The following TMEM259 variants were observed in gnomAD, a reference collection of about 807,000 sequenced individuals.
TMEM259 encodes the protein membralin.
TMEM259 carries 26 observed loss-of-function variants against 46.7 expected under a neutral mutation model. The ratio of observed to expected loss-of-function variants is 0.56; its 90% CI spans 0.41 to 0.77. The LOEUF (loss-of-function observed/expected upper bound fraction) is 0.77. Among genes scored for constraint, TMEM259 ranks in the 30% least tolerant of loss-of-function variants. TMEM259 has a pLI of 0.00. For synonymous variants in TMEM259, 494 were observed against 395.1 expected (o/e 1.25, Z -2.97); for missense variants, 930 against 900.5 (o/e 1.03, Z -0.42).
At chr19:1,013,595 G>A in intron 2 of TMEM259, 1 of 471,882 alleles carries the variant, frequency 2.1e-6, no homozygotes. Context: ...GCTACAGGCA[G>A]TAGACCCCAT....
At position 1,019,207 on chromosome 19, in the gene TMEM259, T is replaced by C. The variant is rs776950872; in HGVS notation, c.225+1565A>G. Among the ~76,000 whole-genome samples, 4 of 152,184 alleles carry C rather than the reference T, an allele frequency of 2.6e-5. No homozygotes were observed. In the East Asian group the frequency reaches 7.7e-4, roughly 29 times the overall value. On this transcript the variant is annotated intron_variant, in intron 1 of 10. Transcript: ENST00000356663. Reference sequence around the variant, plus strand: ...CTTGATCCCTTTCCAAACCGGGACATGGTGGGACCAGGGCCCAGGCGACAG... The same window carrying C: ...CTTGATCCCTTTCCAAACCGGGACACGGTGGGACCAGGGCCCAGGCGACAG...
rs750693343 is a variant in TMEM259, at chr19:1,011,923, T to C, written c.911A>G (p.Tyr304Cys). 1.9e-6 allele frequency: 3 copies of C among 1,610,362 alleles called. No individual in the cohort carries two copies. Among genetic ancestry groups the C allele is most frequent in the Non-Finnish European group, 1.7e-6 (2 of 1,178,784 alleles). ...GACCATGATGGCGAAGGCGGCCAGG[T>C]AGGACGTCCGCGCCATCCACATGCT... ...FVSMWMARTS[Y>C]LAAFAIMVIF... Residue 304 changes from tyrosine to cysteine, a missense_variant, in exon 6 of 11, where the codon TAC becomes TGC. Coordinates refer to ENST00000356663, the MANE Select transcript of TMEM259 (RefSeq NM_001033026.2).
Position 1,014,315 on chromosome 19 carries a change from G to A in TMEM259, c.384C>T (p.Phe128=), listed in dbSNP as rs889518162. The A allele has an allele frequency of 2.5e-6, 4 of 1,613,150 alleles. No individual in the cohort carries two copies. The highest frequency in any genetic ancestry group is 1.7e-5 in the Admixed American group (1 of 60,032). ...NSSRAPVFLQ[F]CDSGGRGSFP... ...AGCTCCCGCGGCCGCCGCTGTCACA[G>A]AACTGTAGGAAGACGGGCGCGCGGC... The change falls in exon 2 of 11, where the codon TTC becomes TTT. Residue 128 remains phenylalanine (F), a synonymous_variant. Transcript: ENST00000356663.
Position 1,010,480 on chromosome 19 carries a change from T to C in TMEM259, c.1733A>G (p.His578Arg). ...CGGGGGGACACTGTCCTGGGGGGCG[T>C]GGGGGAGGCCCCCAGCAGGGCCCAG... ...SPLGPAGGLP[H>R]APQDSVPPSD... Residue 578 changes from histidine to arginine, a missense_variant, in exon 11 of 11, where the codon CAC becomes CGC. Physicochemically the swap from His to Arg is conservative, Grantham distance 29. Coordinates refer to ENST00000356663, the MANE Select transcript of TMEM259 (RefSeq NM_001033026.2). 1 of 1,545,554 alleles carries C rather than the reference T, an allele frequency of 6.5e-7. No homozygotes were observed.
Position 1,010,264 on chromosome 19 carries a change from A to G in TMEM259, c.*86T>C. 8.2e-7 allele frequency: 1 copy of G among 1,218,110 alleles called. No homozygotes were observed. The highest frequency in any genetic ancestry group is 1.1e-6 in the Non-Finnish European group (1 of 921,174). The allele number at this position is 1,218,110 out of a possible 1,614,324, so 75.5% of individuals were successfully genotyped here. On this transcript the variant is annotated 3_prime_UTR_variant, in exon 11 of 11. Transcript: ENST00000356663. Reference sequence around the variant, plus strand: ...ACACAGGCTGGGCAGTCCCAGAGGAAGGAGGTGGCTGGCCTCCCCCACCCC... The same window carrying G: ...ACACAGGCTGGGCAGTCCCAGAGGAGGGAGGTGGCTGGCCTCCCCCACCCC...
At position 1,020,275 on chromosome 19, in the gene TMEM259, T is replaced by G. The variant is rs191791178; in HGVS notation, c.225+497A>C. On this transcript the variant is annotated intron_variant, in intron 1 of 10. Coordinates refer to ENST00000356663, the MANE Select transcript of TMEM259 (RefSeq NM_001033026.2). This position sits in a 1 kb window ranked among gnomAD's most constrained non-coding sequence, Gnocchi z 4.0. The stretch of plus-strand genomic sequence containing the variant: ...GGGAGTCGACTTCCAGGACAGGGGT[T>G]GGTCCGAGGGAGACCTGCGTCAGGC... Among the ~76,000 whole-genome samples the G allele has an allele frequency of 9.9e-5, 15 of 151,848 alleles. No individual in the cohort carries two copies. The highest frequency in any genetic ancestry group is 2.6e-4 in the Admixed American group (4 of 15,252).
chr19:1,011,020 C>T (rs1291614692), intron 10 of TMEM259, 76 bp downstream of exon 10: 7 of 1,547,168 alleles, frequency 4.5e-6, no homozygotes, highest in Non-Finnish European at 5.2e-6. Flanking sequence ...CCCCACAGGG[C>T]ATCCTCCCCG....
At chr19:1,019,896 C>T (rs2039232455) in intron 1 of TMEM259, among the ~76,000 whole-genome samples, 1 of 152,224 alleles carries the variant, frequency 6.6e-6, no homozygotes, top group South Asian at 2.1e-4. Context: ...GCAGCTGCTA[C>T]TGAGCCCCTC....
chr19:1,020,718 T>G lies in TMEM259; in HGVS notation c.225+54A>C. 8.1e-7 allele frequency: 1 copy of G among 1,229,358 alleles called. No individual in the cohort carries two copies. The highest frequency in any genetic ancestry group is 1.0e-6 in the Non-Finnish European group (1 of 966,630). 76.2% of individuals were successfully genotyped at this position (1,229,358 alleles called of 1,614,324 possible). ...GGGTCGCGGTCGGAGGTAGCAGACT[T>G]GGGGGTCGGGACAGCCGCTGGGGTC... On this transcript the variant is annotated intron_variant, in intron 1 of 10. Coordinates refer to ENST00000356663, the MANE Select transcript of TMEM259 (RefSeq NM_001033026.2). The surrounding 1 kb of genome is among the most constrained non-coding windows in gnomAD (Gnocchi z 4.0).
intron 3 of TMEM259, 69 bp from the exon 4 acceptor site, chr19:1,012,642 G>C: frequency 6.6e-7 from 1 of 1,521,796 alleles, no homozygotes; most frequent in South Asian, 1.2e-5. Context: ...CAGCAGGCAA[G>C]GCAGGCGTTG....
In TMEM259 at chr19:1,011,868, C is replaced by G. The variant is rs751977137; in HGVS notation, c.942+24G>C. On this transcript the variant is annotated intron_variant, in intron 6 of 10. Transcript: ENST00000356663. ...TGCTTGGCTCCCGCCCGGCCAGCCC[C>G]CGCACCCGCCCCGAGGCACTCACGA... 4 of 1,600,262 alleles carry G rather than the reference C, an allele frequency of 2.5e-6. No homozygotes were observed. In the East Asian group the frequency reaches 9.0e-5, roughly 36 times the overall value.
In TMEM259 at chr19:1,010,481, G is replaced by T; in HGVS notation, c.1732C>A (p.His578Asn). The T allele has an allele frequency of 6.5e-7, 1 of 1,545,640 alleles. No individual in the cohort carries two copies. The change falls in exon 11 of 11, where the codon CAC (histidine) becomes AAC (asparagine). Residue 578 changes from histidine to asparagine, a missense_variant. Coordinates refer to ENST00000356663, the MANE Select transcript of TMEM259 (RefSeq NM_001033026.2). ...SPLGPAGGLP[H>N]APQDSVPPSD... ...GGGGGGACACTGTCCTGGGGGGCGT[G>T]GGGGAGGCCCCCAGCAGGGCCCAGC...
chr19:1,013,348 C>A lies in TMEM259; in HGVS notation c.508-8G>T, dbSNP rs112496473. The A allele has an allele frequency of 0.034, 55,016 of 1,612,702 alleles. 1,152 individuals carry two copies. The highest frequency in any genetic ancestry group is 0.06 in the South Asian group (5,448 of 91,070). ...CTCGATGTCCAGCTCAAACTGTGGGCGACCAGGGACCTGGGTGTCAGCAGC... is the reference window on the plus strand; with the variant it reads ...CTCGATGTCCAGCTCAAACTGTGGGAGACCAGGGACCTGGGTGTCAGCAGC... On this transcript the variant is annotated splice_polypyrimidine_tract_variant and splice_region_variant and intron_variant, in intron 2 of 10. Coordinates refer to ENST00000356663, the MANE Select transcript of TMEM259 (RefSeq NM_001033026.2).
rs767948530 is a variant in TMEM259, at chr19:1,011,135, A to G, written c.1278T>C (p.Tyr426=). ...AGGAGGTGACCAGGGCCAGGCTGCT[A>G]TACTGCCCATTGAAGCGGTAGTGAT... ...YAYHYRFNGQ[Y]SSLALVTSWL... Residue 426 remains tyrosine, a synonymous_variant, in exon 10 of 11, where the codon TAT becomes TAC. Transcript: ENST00000356663. The G allele has an allele frequency of 1.9e-6, 3 of 1,604,710 alleles. No homozygotes were observed. The South Asian group carries it at 3.3e-5, about 18-fold the overall frequency.
In TMEM259 at chr19:1,012,576, G is replaced by A; in HGVS notation, c.608-3C>T. 6.4e-7 allele frequency: 1 copy of A among 1,574,132 alleles called. No homozygotes were observed. Among genetic ancestry groups the A allele is most frequent in the South Asian group, 1.2e-5 (1 of 86,018 alleles). On this transcript the variant is annotated splice_region_variant and splice_polypyrimidine_tract_variant and intron_variant, in intron 3 of 10. Coordinates refer to ENST00000356663, the MANE Select transcript of TMEM259 (RefSeq NM_001033026.2). Reference sequence around the variant, plus strand: ...GATGTACTCGTCCTGCGGCCACACTGCAGGGCAGAACCAGGGACCAGGTCA... The same window carrying A: ...GATGTACTCGTCCTGCGGCCACACTACAGGGCAGAACCAGGGACCAGGTCA...
chr19:1,011,899 A>G lies in TMEM259; in HGVS notation c.935T>C (p.Val312Ala). ...TSYLAAFAIMVIFTLSVSMLL... is the reference protein window; with the variant it reads ...TSYLAAFAIMAIFTLSVSMLL... ...CCGCCCCGAGGCACTCACGAAGATG[A>G]CCATGATGGCGAAGGCGGCCAGGTA... Residue 312 changes from valine (V) to alanine (A), a missense_variant, in exon 6 of 11, where the codon GTC becomes GCC. Physicochemically the swap from Val to Ala is moderately conservative, Grantham distance 64. Coordinates refer to ENST00000356663, the MANE Select transcript of TMEM259 (RefSeq NM_001033026.2). 1.9e-6 allele frequency: 3 copies of G among 1,608,024 alleles called. No homozygotes were observed. The highest frequency in any genetic ancestry group is 1.3e-5 in the African/African-American group (1 of 74,730).
chr19:1,010,218 AC>A lies in TMEM259; in HGVS notation c.*131del. 1 of 919,470 alleles carries A rather than the reference AC, an allele frequency of 1.1e-6. No homozygotes were observed. Among genetic ancestry groups the A allele is most frequent in the South Asian group, 2.1e-5 (1 of 46,976 alleles). 57.0% of individuals were successfully genotyped at this position (919,470 alleles called of 1,614,324 possible). A position where few individuals can be genotyped will look rare whatever the true frequency, so the allele number is the denominator to read the frequency against. On this transcript the variant is annotated 3_prime_UTR_variant, in exon 11 of 11. Transcript: ENST00000356663. ...GAAAGCCGCCTTCCGGGCAAACCCC[AC>A]GAAACCCTGAAAGCCCCCGACACAG...
At position 1,020,478 on chromosome 19, in the gene TMEM259, G is replaced by A. The variant is rs1239866305; in HGVS notation, c.225+294C>T. On this transcript the variant is annotated intron_variant, in intron 1 of 10. Coordinates refer to ENST00000356663, the MANE Select transcript of TMEM259 (RefSeq NM_001033026.2). This position sits in a 1 kb window ranked among gnomAD's most constrained non-coding sequence, Gnocchi z 4.0. ...GCCGGGGACAGGATGGGCCCTGGAGGGAGCTGACAGTGAGGTTTCCAGAGT... is the reference window on the plus strand; with the variant it reads ...GCCGGGGACAGGATGGGCCCTGGAGAGAGCTGACAGTGAGGTTTCCAGAGT... Among the ~76,000 whole-genome samples, 3 of 151,932 alleles carry A rather than the reference G, an allele frequency of 2.0e-5. No individual in the cohort carries two copies. The highest frequency in any genetic ancestry group is 7.3e-5 in the African/African-American group (3 of 41,354).
At position 1,018,987 on chromosome 19, in the gene TMEM259, C is replaced by CA. The variant is rs758741226; in HGVS notation, c.225+1784dup. On this transcript the variant is annotated intron_variant, in intron 1 of 10. Transcript: ENST00000356663. The stretch of plus-strand genomic sequence containing the variant: ...TGGGTGACAGAGCAAGACTCCATCT[C>CA]AAAAAAAAAAAAAAAAAAATTCACC... Among the ~76,000 whole-genome samples the CA allele has an allele frequency of 3.5e-3, 405 of 115,870 alleles. 2 individuals are homozygous for CA. The highest frequency in any genetic ancestry group is 0.033 in the East Asian group (119 of 3,656). 76.0% of individuals were successfully genotyped at this position (115,870 alleles called of 152,430 possible).
Sources: gnomAD v4.1 joint callset for allele counts (sites outside exome capture counted in the v4.1 genomes callset) on GRCh38, gnomAD v4.1.1 for gene constraint, Gnocchi (gnomAD v3.1) non-coding constraint, MANE v1.5 for transcripts, NCBI Gene and HGNC (gene_info 2026-07-23, HGNC 2026-07-21) for gene names.